Variants in PTPRN2 observed in about 807,000 individuals in gnomAD.
The protein encoded by PTPRN2 is receptor-type tyrosine-protein phosphatase N2.
PTPRN2 carries 74 observed loss-of-function variants against 118.8 expected under a neutral mutation model. The observed-to-expected ratio is 0.62, with a 90% confidence interval of 0.52 to 0.76. The LOEUF is 0.76. Among genes scored for constraint, PTPRN2 ranks in the 30% least tolerant of loss-of-function variants. The pLI is 0.00. For missense variants in PTPRN2, 1,481 were observed against 1,394.4 expected (o/e 1.06, Z -0.99); for synonymous variants, 641 against 608.0 (o/e 1.05, Z -0.80).
At chr7:158,242,377 A>C (rs1282335690) in intron 3 of PTPRN2, among the ~76,000 whole-genome samples, 1 of 152,228 alleles carries the variant, frequency 6.6e-6, no homozygotes, top group Non-Finnish European at 1.5e-5. Context: ...AGAGATTCAA[A>C]AGATGAGAAT....
chr7:158,115,481 T>C (rs1024798028), intron 9 of PTPRN2, among the ~76,000 whole-genome samples: 7 of 152,042 alleles, frequency 4.6e-5, no homozygotes, highest in Non-Finnish European at 7.4e-5. Flanking sequence ...ACCCCTAAAA[T>C]CTGTATGTTC....
At chr7:157,842,311 A>G (rs1384512737) in intron 12 of PTPRN2, among the ~76,000 whole-genome samples, 1 of 151,396 alleles carries the variant, frequency 6.6e-6, no homozygotes, top group Non-Finnish European at 1.5e-5. Flanking sequence ...TTGATTACTG[A>G]TCTATCTGCT....
intron 12 of PTPRN2, among the ~76,000 whole-genome samples, chr7:157,705,377 C>T (rs777476170): frequency 6.6e-6 from 1 of 152,214 alleles, no homozygotes; most frequent in Non-Finnish European, 1.5e-5. Flanking sequence ...GACAAGGTAA[C>T]CTGCTTAAGG....
At chr7:157,740,672 G>A (rs1800585124) in intron 12 of PTPRN2, among the ~76,000 whole-genome samples, 2 of 152,184 alleles carry the variant, frequency 1.3e-5, no homozygotes, top group Non-Finnish European at 2.9e-5. Context: ...CTTCTCAGAG[G>A]CTCCTAATCA....
chr7:157,556,561 G>T (rs943806795), intron 21 of PTPRN2, among the ~76,000 whole-genome samples: 3 of 145,378 alleles, frequency 2.1e-5, no homozygotes, highest in African/African-American at 7.7e-5. Context: ...TCATACATAT[G>T]TACATGCACA....
At chr7:158,271,054 A>C (rs1586070279) in intron 3 of PTPRN2, among the ~76,000 whole-genome samples, 1 of 56,874 alleles carries the variant, frequency 1.8e-5, no homozygotes, top group South Asian at 7.2e-4. Flanking sequence ...CCTCCCCCCA[A>C]CCTGGGCCAC....
rs149705200 is a variant in PTPRN2 at position 158,113,408 on chromosome 7, T to C, written c.1557-2493A>G. On this transcript the variant is annotated intron_variant, in intron 9 of 22. Coordinates refer to ENST00000389418, the MANE Select transcript of PTPRN2 (RefSeq NM_002847.5). Reference sequence around the variant, plus strand: ...GACGTCTAGGATGCTAGCATAGGGATAGGAGTGATGAGACAAGGTGCTGGA... The same window carrying C: ...GACGTCTAGGATGCTAGCATAGGGACAGGAGTGATGAGACAAGGTGCTGGA... Among the ~76,000 whole-genome samples the C allele has an allele frequency of 3.4e-3, 510 of 152,148 alleles. 2 individuals are homozygous for C. The highest frequency in any genetic ancestry group is 0.011 in the African/African-American group (473 of 41,496).
At chr7:158,217,821 G>T (rs1828056766) in intron 3 of PTPRN2, among the ~76,000 whole-genome samples, 1 of 152,164 alleles carries the variant, frequency 6.6e-6, no homozygotes, top group Non-Finnish European at 1.5e-5. Context: ...CATCAGAAGA[G>T]ACCAAGCTGA....
chr7:157,853,680 C>G (rs368909121), intron 12 of PTPRN2, among the ~76,000 whole-genome samples: 1 of 152,096 alleles, frequency 6.6e-6, no homozygotes, highest in African/African-American at 2.4e-5. Flanking sequence ...GTAGAATAAC[C>G]GAGCCACACG....
intron 11 of PTPRN2, among the ~76,000 whole-genome samples, chr7:157,958,424 A>G (rs1801317022): frequency 6.6e-6 from 1 of 152,176 alleles, no homozygotes; most frequent in South Asian, 2.1e-4. Context: ...AAAATAAGTA[A>G]AAGGCATCTA....
intron 2 of PTPRN2, among the ~76,000 whole-genome samples, chr7:158,423,684 T>C (rs2129424271): frequency 6.6e-6 from 1 of 152,272 alleles, no homozygotes; most frequent in Middle Eastern, 3.4e-3. Context: ...CTAGTTTTTG[T>C]ATTTTTAGTA....
rs148232753 is a variant in PTPRN2, at chr7:157,965,942, T to C, written c.1724-67205A>G. ...CTGAACGCCTCTGTGCCCAGCACTT[T>C]GACCAGCACCGTGGAATCAGCTTCC... On this transcript the variant is annotated intron_variant, in intron 11 of 22. Coordinates refer to ENST00000389418, the MANE Select transcript of PTPRN2 (RefSeq NM_002847.5). 3.0e-3 allele frequency among the ~76,000 whole-genome samples: 455 copies of C among 152,332 alleles called. 1 individual carries two copies. Among genetic ancestry groups the C allele is most frequent in the African/African-American group, 9.9e-3 (412 of 41,576 alleles).
chr7:158,493,005 C>T (rs1356968010), intron 1 of PTPRN2, among the ~76,000 whole-genome samples: 1 of 152,238 alleles, frequency 6.6e-6, no homozygotes, highest in Non-Finnish European at 1.5e-5. Flanking sequence ...CTGTGGGGCC[C>T]TTAACCTTGT....
In PTPRN2 at chr7:157,813,764, G is replaced by A. The variant is rs968732086; in HGVS notation, c.1788+84909C>T. Among the ~76,000 whole-genome samples the A allele has an allele frequency of 3.9e-5, 6 of 152,192 alleles. No homozygotes were observed. Among genetic ancestry groups the A allele is most frequent in the African/African-American group, 1.2e-4 (5 of 41,448 alleles). On this transcript the variant is annotated intron_variant, in intron 12 of 22. Transcript: ENST00000389418. This position sits in a 1 kb window ranked among gnomAD's most constrained non-coding sequence, Gnocchi z 4.7. ...CTGCGTGTGGCTGTCTACACAGCAC[G>A]CATTCCTTACCCCGGTGGTTTTCAT...
At chr7:158,188,660 A>G in intron 5 of PTPRN2, among the ~76,000 whole-genome samples, 1 of 112,860 alleles carries the variant, frequency 8.9e-6, no homozygotes, top group Non-Finnish European at 1.8e-5. Context: ...CCTGATGGGG[A>G]AGGCCGCCAC....
intron 2 of PTPRN2, among the ~76,000 whole-genome samples, chr7:158,340,963 C>T (rs1336146899): frequency 7.3e-5 from 6 of 82,306 alleles, no homozygotes; most frequent in Non-Finnish European, 1.3e-4. Flanking sequence ...AGCTGACGCC[C>T]GCAGATGTCA....
At chr7:157,875,054 G>A (rs1421759510) in intron 12 of PTPRN2, among the ~76,000 whole-genome samples, 2 of 150,520 alleles carry the variant, frequency 1.3e-5, no homozygotes, top group Non-Finnish European at 3.0e-5. Flanking sequence ...CGCACACACA[G>A]ACACACACAC....
chr7:157,655,967 C>T (rs192016360), intron 14 of PTPRN2, among the ~76,000 whole-genome samples: 3 of 151,786 alleles, frequency 2.0e-5, no homozygotes, highest in East Asian at 2.0e-4. Context: ...ACCCAAATGA[C>T]GCTTGCTGGC....
At position 157,929,330 on chromosome 7, in the gene PTPRN2, T is replaced by C. The variant is rs572517725; in HGVS notation, c.1724-30593A>G. ...CAACCCTGCCTTACGGTGGGGATGC[T>C]GGACAGGCATTCAGGAGACACAAAT... On this transcript the variant is annotated intron_variant, in intron 11 of 22. Transcript: ENST00000389418. This position sits in a 1 kb window ranked among gnomAD's most constrained non-coding sequence, Gnocchi z 4.4. 6.6e-6 allele frequency among the ~76,000 whole-genome samples: 1 copy of C among 152,000 alleles called. No individual in the cohort carries two copies. The highest frequency in any genetic ancestry group is 2.4e-5 in the African/African-American group (1 of 41,522).
Sources: allele counts gnomAD v4.1 joint callset (sites outside exome capture counted in the v4.1 genomes callset), GRCh38; gene constraint gnomAD v4.1.1; non-coding constraint Gnocchi (gnomAD v3.1); transcripts MANE v1.5; gene names NCBI Gene and HGNC (gene_info 2026-07-23, HGNC 2026-07-21).